RFX2: variants seen among roughly 807,000 people sequenced by gnomAD.
RFX2 encodes regulatory factor X2, also known as DNA-binding protein RFX2.
In RFX2, 20 loss-of-function variants were observed where a neutral mutation model predicts 87.8. The ratio of observed to expected loss-of-function variants is 0.23; its 90% confidence interval spans 0.16 to 0.33. The LOEUF is 0.33. Ranked by LOEUF, RFX2 falls within the 10% of genes least tolerant of loss-of-function variation. The pLI is 1.00. For synonymous variants in RFX2, 397 were observed against 431.3 expected (o/e 0.92, Z 0.98); for missense variants, 767 against 1,012.3 (o/e 0.76, Z 3.29).
chr19:6,014,444 G>A (rs1256506437), intron 7 of RFX2, among the ~76,000 whole-genome samples: 1 of 152,084 alleles, frequency 6.6e-6, no homozygotes, highest in Non-Finnish European at 1.5e-5. Flanking sequence ...TCACCATGTT[G>A]GCCAGGCTGA....
intron 1 of RFX2, among the ~76,000 whole-genome samples, chr19:6,099,867 A>G (rs2088091417): frequency 6.6e-6 from 1 of 152,194 alleles, no homozygotes. Context: ...ACCTCAGGAC[A>G]TCTGGCAATG....
At position 6,002,826 on chromosome 19, in the gene RFX2, C is replaced by T. The variant is rs556313255; in HGVS notation, c.1545G>A (p.Thr515=). Residue 515 remains threonine (T), a synonymous_variant, in exon 14 of 18, where the codon ACG becomes ACA. Coordinates refer to ENST00000303657, the MANE Select transcript of RFX2 (RefSeq NM_000635.4). This position sits in a 1 kb window ranked among gnomAD's most constrained non-coding sequence, Gnocchi z 6.7. ...CCGCCTGCGCCAGGTGGTTGAGGGACGTGTAGCGCCGCAGCGTCTGGGCGA... is the reference window on the plus strand; with the variant it reads ...CCGCCTGCGCCAGGTGGTTGAGGGATGTGTAGCGCCGCAGCGTCTGGGCGA... ...SAFAQTLRRY[T]SLNHLAQAAR... 52 of 1,612,962 alleles carry T rather than the reference C, an allele frequency of 3.2e-5. No homozygotes were observed. Among genetic ancestry groups the T allele is most frequent in the East Asian group, 3.1e-4 (14 of 44,870 alleles).
intron 1 of RFX2, among the ~76,000 whole-genome samples, chr19:6,093,459 C>T (rs770076796): frequency 6.6e-6 from 1 of 152,064 alleles, no homozygotes; most frequent in Non-Finnish European, 1.5e-5. Flanking sequence ...TGCTTGAACC[C>T]GGGAGGCAGA....
rs773633075 is a variant in RFX2 at position 5,997,117 on chromosome 19, C to T, written c.1956G>A (p.Leu652=). 1.2e-6 allele frequency: 2 copies of T among 1,613,596 alleles called. No individual in the cohort carries two copies. Among genetic ancestry groups the T allele is most frequent in the Non-Finnish European group, 1.7e-6 (2 of 1,180,010 alleles). Residue 652 remains leucine (L), a synonymous_variant, in exon 16 of 18, where the codon CTG becomes CTA. Coordinates refer to ENST00000303657, the MANE Select transcript of RFX2 (RefSeq NM_000635.4). The surrounding 1 kb of genome is among the most constrained non-coding windows in gnomAD (Gnocchi z 4.2). ...TGGCCTCCGCGACGCGGTGCTCCAC[C>T]AGGTAGAACATGTACTCGTCGTAGA... is the stretch of plus-strand genomic sequence containing the variant. ...RLLYDEYMFY[L]VEHRVAEATG... is the part of the protein sequence containing the mutation.
chr19:6,070,996 C>T (rs1291258851), intron 1 of RFX2, among the ~76,000 whole-genome samples: 1 of 152,218 alleles, frequency 6.6e-6, no homozygotes. Flanking sequence ...GGACTGCAGG[C>T]GTGAGCCCCC....
intron 13 of RFX2, among the ~76,000 whole-genome samples, chr19:6,003,467 C>T (rs2086522750): frequency 6.6e-6 from 1 of 152,084 alleles, no homozygotes; most frequent in South Asian, 2.1e-4. Context: ...TCCTCTCACC[C>T]AAGAGCCCTT....
intron 5 of RFX2, among the ~76,000 whole-genome samples, chr19:6,038,864 T>C (rs1034586137): frequency 1.2e-4 from 18 of 152,198 alleles, no homozygotes; most frequent in African/African-American, 2.4e-4. Context: ...CTCTTGTATG[T>C]TGCTGGTGGG....
intron 16 of RFX2, among the ~76,000 whole-genome samples, chr19:5,996,212 C>T (rs2086404482): frequency 2.0e-5 from 1 of 49,202 alleles, no homozygotes. Flanking sequence ...AGCAAGTCCA[C>T]TCCAAGGTGT....
At position 6,063,272 on chromosome 19, in the gene RFX2, C is replaced by T. The variant is rs1478980459; in HGVS notation, c.-8-15768G>A. Among the ~76,000 whole-genome samples, 3 of 152,336 alleles carry T rather than the reference C, an allele frequency of 2.0e-5. No individual in the cohort carries two copies. Among genetic ancestry groups the T allele is most frequent in the African/African-American group, 7.2e-5 (3 of 41,578 alleles). On this transcript the variant is annotated intron_variant, in intron 1 of 17. Transcript: ENST00000303657. This position sits in a 1 kb window ranked among gnomAD's most constrained non-coding sequence, Gnocchi z 4.0. Reference sequence around the variant, plus strand: ...ATTGGAGCCTACGCCTGCCAGACCCCCAGGCCTGAGCGCCAGCCCTTCACT... The same window carrying T: ...ATTGGAGCCTACGCCTGCCAGACCCTCAGGCCTGAGCGCCAGCCCTTCACT...
intron 1 of RFX2, among the ~76,000 whole-genome samples, chr19:6,103,675 C>G (rs190871202): frequency 6.6e-6 from 1 of 152,334 alleles, no homozygotes; most frequent in African/African-American, 2.4e-5. Context: ...AGGACTCCAA[C>G]AACTTTTCGT....
In RFX2 at chr19:6,074,384, C is replaced by T. The variant is rs1057495238; in HGVS notation, c.-8-26880G>A. On this transcript the variant is annotated intron_variant, in intron 1 of 17. Transcript: ENST00000303657. This position sits in a 1 kb window ranked among gnomAD's most constrained non-coding sequence, Gnocchi z 5.2. ...ACCTTTCCACCTTCCTCTTAGCACC[C>T]GGCCTGTGCCGGTGCATCTCCTCAC... Among the ~76,000 whole-genome samples the T allele has an allele frequency of 3.9e-5, 6 of 152,188 alleles. No individual in the cohort carries two copies. The highest frequency in any genetic ancestry group is 1.3e-4 in the Admixed American group (2 of 15,282).
At position 5,997,024 on chromosome 19, in the gene RFX2, C is replaced by T; in HGVS notation, c.2013+36G>A. ...CACCGCCCTCTCCCCACAGGCCCGG[C>T]CAAGCCCCGGCCGTCCCACCCAGGA... On this transcript the variant is annotated intron_variant, in intron 16 of 17. Coordinates refer to ENST00000303657, the MANE Select transcript of RFX2 (RefSeq NM_000635.4). The surrounding 1 kb of genome is among the most constrained non-coding windows in gnomAD (Gnocchi z 4.2). 6.3e-7 allele frequency: 1 copy of T among 1,583,812 alleles called. No homozygotes were observed. Among genetic ancestry groups the T allele is most frequent in the African/African-American group, 1.3e-5 (1 of 74,826 alleles).
chr19:6,076,038 A>G (rs2087687015), intron 1 of RFX2, among the ~76,000 whole-genome samples: 1 of 152,226 alleles, frequency 6.6e-6, no homozygotes, highest in South Asian at 2.1e-4. Context: ...CTTGGTGTTC[A>G]CAAAAAATTA....
intron 1 of RFX2, among the ~76,000 whole-genome samples, chr19:6,079,875 ACT>A (rs2144855706): frequency 7.3e-6 from 1 of 137,544 alleles, no homozygotes; most frequent in African/African-American, 3.1e-5. Flanking sequence ...ACAAAGCAAG[ACT>A]CTGTCTCAAA....
rs1322718503 is a variant in RFX2, at chr19:6,044,997, C to A, written c.91-715G>T. 6.6e-6 allele frequency among the ~76,000 whole-genome samples: 1 copy of A among 152,114 alleles called. No individual in the cohort carries two copies. Among genetic ancestry groups the A allele is most frequent in the Non-Finnish European group, 1.5e-5 (1 of 68,018 alleles). ...AAAATGGGAAGGGTCAAAGTGAACTCGAGTCGAGGGAGGAACAGGAGTGTT... is the reference window on the plus strand; with the variant it reads ...AAAATGGGAAGGGTCAAAGTGAACTAGAGTCGAGGGAGGAACAGGAGTGTT... On this transcript the variant is annotated intron_variant, in intron 2 of 17. Transcript: ENST00000303657. The surrounding 1 kb of genome is among the most constrained non-coding windows in gnomAD (Gnocchi z 5.3).
Position 6,047,552 on chromosome 19 carries a change from G to A in RFX2, c.-8-48C>T. On this transcript the variant is annotated intron_variant, in intron 1 of 17. Coordinates refer to ENST00000303657, the MANE Select transcript of RFX2 (RefSeq NM_000635.4). The surrounding 1 kb of genome is among the most constrained non-coding windows in gnomAD (Gnocchi z 4.2). ...TGGGTGGGCAAGGGCTGCAAGCACTGAAATCCGAAGAGGCAACTAACAAGT... is the reference window on the plus strand; with the variant it reads ...TGGGTGGGCAAGGGCTGCAAGCACTAAAATCCGAAGAGGCAACTAACAAGT... 6.9e-7 allele frequency: 1 copy of A among 1,450,620 alleles called. No individual in the cohort carries two copies. Among genetic ancestry groups the A allele is most frequent in the Non-Finnish European group, 9.5e-7 (1 of 1,052,402 alleles). 89.9% of individuals were successfully genotyped at this position (1,450,620 alleles called of 1,614,324 possible). A position where few individuals can be genotyped will look rare whatever the true frequency, so the allele number is the denominator to read the frequency against.
intron 1 of RFX2, among the ~76,000 whole-genome samples, chr19:6,091,552 T>C (rs775849687): frequency 2.6e-5 from 4 of 152,144 alleles, no homozygotes; most frequent in Non-Finnish European, 5.9e-5. Context: ...AACAATGATA[T>C]AGAGACTAAA....
In RFX2 at chr19:6,074,407, C is replaced by T. The variant is rs1403201290; in HGVS notation, c.-8-26903G>A. Among the ~76,000 whole-genome samples, 1 of 152,216 alleles carries T rather than the reference C, an allele frequency of 6.6e-6. No individual in the cohort carries two copies. The highest frequency in any genetic ancestry group is 1.9e-4 in the East Asian group (1 of 5,184). On this transcript the variant is annotated intron_variant, in intron 1 of 17. Transcript: ENST00000303657. The surrounding 1 kb of genome is among the most constrained non-coding windows in gnomAD (Gnocchi z 5.2). ...CCCGGCCTGTGCCGGTGCATCTCCTCACCCCACACAGTGCCCTGGGTACAG... is the reference window on the plus strand; with the variant it reads ...CCCGGCCTGTGCCGGTGCATCTCCTTACCCCACACAGTGCCCTGGGTACAG...
rs1262793307 is a variant in RFX2, at chr19:6,011,129, T to G, written c.900-878A>C. Among the ~76,000 whole-genome samples, 2 of 141,448 alleles carry G rather than the reference T, an allele frequency of 1.4e-5. No homozygotes were observed. Among genetic ancestry groups the G allele is most frequent in the Non-Finnish European group, 2.9e-5 (2 of 67,870 alleles). 92.8% of individuals were successfully genotyped at this position (141,448 alleles called of 152,430 possible). On this transcript the variant is annotated intron_variant, in intron 8 of 17. Coordinates refer to ENST00000303657, the MANE Select transcript of RFX2 (RefSeq NM_000635.4). The surrounding 1 kb of genome is among the most constrained non-coding windows in gnomAD (Gnocchi z 4.8). Reference sequence around the variant, plus strand: ...GAAACTCGGTCTCAAAAAAAATAAATAAATTAATTAAAATAAAATAAAATA... The same window carrying G: ...GAAACTCGGTCTCAAAAAAAATAAAGAAATTAATTAAAATAAAATAAAATA...
Sources: allele counts gnomAD v4.1 joint callset (sites outside exome capture counted in the v4.1 genomes callset), GRCh38; gene constraint gnomAD v4.1.1; non-coding constraint Gnocchi (gnomAD v3.1); transcripts MANE v1.5; gene names NCBI Gene and HGNC (gene_info 2026-07-23, HGNC 2026-07-21).